Variants in DNAH5 observed in about 807,000 individuals in gnomAD.
The protein encoded by DNAH5 is dynein axonemal heavy chain 5.
A neutral mutation model predicts 518.2 loss-of-function variants in DNAH5; 372 were observed. That is an observed-to-expected ratio of 0.72 (90% CI 0.66 to 0.78). The LOEUF (loss-of-function observed/expected upper bound fraction) is 0.78, where lower values mean the gene tolerates loss of function less well. Ranked by LOEUF, DNAH5 falls within the 30% of genes least tolerant of loss-of-function variation. The pLI, the probability that DNAH5 is intolerant of heterozygous loss-of-function variation, is 0.00. For synonymous variants in DNAH5, 2,039 were observed against 2,025.9 expected, an observed-to-expected ratio of 1.01 and a Z score of -0.17; for missense variants, 5,523 against 5,687.0, an observed-to-expected ratio of 0.97 and a Z score of 0.93.
chr5:13,925,240 A>G (rs1777745927), intron 3 of DNAH5, among the ~76,000 whole-genome samples: 1 of 152,194 alleles, frequency 6.6e-6, no homozygotes, highest in Non-Finnish European at 1.5e-5. Context: ...CAACCAAGGC[A>G]CCAACGCATG....
At chr5:13,730,833 G>A (rs553746606) in intron 68 of DNAH5, among the ~76,000 whole-genome samples, 22 of 151,730 alleles carry the variant, frequency 1.4e-4, no homozygotes, top group African/African-American at 4.4e-4. Flanking sequence ...CGTGAGTAGC[G>A]GGGATTACAG....
At chr5:13,853,673 C>T (rs1767206950) in intron 30 of DNAH5, among the ~76,000 whole-genome samples, 2 of 151,844 alleles carry the variant, frequency 1.3e-5, no homozygotes, top group African/African-American at 4.8e-5. Flanking sequence ...TAGAGAAGAA[C>T]ATAAATGACC....
chr5:13,929,010 T>A (rs1305232208), intron 2 of DNAH5, among the ~76,000 whole-genome samples: 2 of 152,202 alleles, frequency 1.3e-5, no homozygotes, highest in Non-Finnish European at 2.9e-5. Context: ...CCCAAAGAAT[T>A]GAAAGCGGGC....
chr5:13,909,561 G>A (rs189569136), intron 12 of DNAH5, among the ~76,000 whole-genome samples: 2 of 152,132 alleles, frequency 1.3e-5, no homozygotes, highest in African/African-American at 4.8e-5. Context: ...AGGTTCACAT[G>A]ATCAGATTCT....
At position 13,955,825 on chromosome 5, in the gene DNAH5, A is replaced by G. The variant is rs539724405; in HGVS notation, c.13-24581T>C. ...TCTAATTAGAGTTTATATTTCCCTA[A>G]TTAGTTCTATTTAACTCTGGTAGAG... On this transcript the variant is annotated intron_variant, in intron 1 of 78. Coordinates refer to the DNAH5 transcript ENST00000681290. Among the ~76,000 whole-genome samples the G allele has an allele frequency of 5.3e-5, 8 of 152,338 alleles. No individual in the cohort carries two copies. The South Asian group carries it at 1.4e-3, about 28-fold the overall frequency.
rs371027404 is a variant in DNAH5, at chr5:13,714,493, C to A, written c.13037G>T (p.Gly4346Val). The change falls in exon 75 of 79, where the codon GGT (glycine) becomes GTT (valine). Residue 4346 changes from glycine to valine, a missense_variant. By Grantham distance (109) the Gly-to-Val change is moderately radical. Transcript: ENST00000265104. ...CGCCTCCCGGGTCTCATCCCCTCCA[C>A]CAGAGGTGTCCTTGGGTTGGATGCC... is the stretch of plus-strand genomic sequence containing the variant. ...ILGIQPKDTS[G>V]GGDETREAVV... The A allele has an allele frequency of 3.1e-6, 5 of 1,614,174 alleles. No homozygotes were observed. The African/African-American group carries it at 5.3e-5, about 17-fold the overall frequency.
At chr5:13,742,833 C>T (rs1748786253) in intron 65 of DNAH5, among the ~76,000 whole-genome samples, 1 of 151,758 alleles carries the variant, frequency 6.6e-6, no homozygotes, top group African/African-American at 2.4e-5. Context: ...TATTTGGAAT[C>T]CCAAAAGCAA....
intron 65 of DNAH5, among the ~76,000 whole-genome samples, chr5:13,750,228 C>G (rs1750024720): frequency 6.6e-6 from 1 of 152,200 alleles, no homozygotes; most frequent in Middle Eastern, 3.4e-3. Context: ...TTCAGGTCAG[C>G]GTAGAAGGTG....
At chr5:13,755,906 G>C (rs1057416570) in intron 61 of DNAH5, among the ~76,000 whole-genome samples, 7 of 152,206 alleles carry the variant, frequency 4.6e-5, no homozygotes, top group Admixed American at 2.6e-4. Context: ...GGAAGCCCAG[G>C]CTTCTTTGGG....
chr5:13,947,402 C>A (rs1780016273), upstream of DNAH5, among the ~76,000 whole-genome samples: 1 of 152,128 alleles, frequency 6.6e-6, no homozygotes, highest in Non-Finnish European at 1.5e-5. Flanking sequence ...TATGTGACAT[C>A]AGATATTTTG....
chr5:13,775,314 T>C (rs1753926432), intron 55 of DNAH5, among the ~76,000 whole-genome samples: 1 of 152,108 alleles, frequency 6.6e-6, no homozygotes, highest in Non-Finnish European at 1.5e-5. Flanking sequence ...AAACCACTAC[T>C]GTCAATAGTG....
chr5:13,819,403 C>A (rs1761932956), intron 41 of DNAH5, among the ~76,000 whole-genome samples: 1 of 152,108 alleles, frequency 6.6e-6, no homozygotes, highest in Non-Finnish European at 1.5e-5. Flanking sequence ...GAAACAAAGA[C>A]CAAATCCAAC....
chr5:13,799,399 A>G (rs896595595), intron 47 of DNAH5, among the ~76,000 whole-genome samples: 17 of 152,020 alleles, frequency 1.1e-4, no homozygotes, highest in African/African-American at 4.1e-4. Flanking sequence ...ACTAGGTGGG[A>G]TAGTCAGAGT....
intron 19 of DNAH5, 108 bp from the exon 20 acceptor site, chr5:13,883,202 A>G (rs1771924522): frequency 4.3e-6 from 5 of 1,168,222 alleles, no homozygotes; most frequent in African/African-American, 3.1e-5. Context: ...ATAAAATCTA[A>G]TAAATATTTG....
chr5:13,836,158 A>G (rs1204141350), intron 35 of DNAH5, among the ~76,000 whole-genome samples: 1 of 152,202 alleles, frequency 6.6e-6, no homozygotes, highest in Non-Finnish European at 1.5e-5. Flanking sequence ...ATAAAATGGA[A>G]TGGCCAACTT....
At chr5:13,831,236 A>G (rs1260314958) in intron 35 of DNAH5, among the ~76,000 whole-genome samples, 1 of 152,184 alleles carries the variant, frequency 6.6e-6, no homozygotes, top group Non-Finnish European at 1.5e-5. Flanking sequence ...TGTAGTTGGG[A>G]TTTAAAACAC....
chr5:13,830,283 T>C (rs1763471577), intron 36 of DNAH5, 70 bp from the exon 37 acceptor site: 4 of 1,388,464 alleles, frequency 2.9e-6, no homozygotes, highest in Non-Finnish European at 4.0e-6. Flanking sequence ...AAGGATATTA[T>C]GTAGCTGCTA....
At chr5:13,968,494 G>A (rs1042873483) in intron 1 of DNAH5, among the ~76,000 whole-genome samples, 1 of 151,986 alleles carries the variant, frequency 6.6e-6, no homozygotes, top group Non-Finnish European at 1.5e-5. Flanking sequence ...TTCCTTCTAT[G>A]TCATTTTTGC....
rs1747244549 is a variant in DNAH5, at chr5:13,735,407, T to G, written c.11571-86A>C. ...ACAATTGTCTTTAATGGAAAATAAG[T>G]AACTTTGGAGGAAGAATTCTTATTT... On this transcript the variant is annotated intron_variant, in intron 67 of 78. Transcript: ENST00000265104. 3 of 1,312,524 alleles carry G rather than the reference T, an allele frequency of 2.3e-6. No individual in the cohort carries two copies. The African/African-American group carries it at 4.4e-5, about 19-fold the overall frequency. 81.3% of individuals were successfully genotyped at this position (1,312,524 alleles called of 1,614,324 possible).
Sources: allele counts gnomAD v4.1 joint callset (sites outside exome capture counted in the v4.1 genomes callset), GRCh38; gene constraint gnomAD v4.1.1; transcripts MANE v1.5; gene names NCBI Gene and HGNC (gene_info 2026-07-23, HGNC 2026-07-21).